The following HDGFL3 variants were observed in gnomAD, a reference collection of about 807,000 sequenced individuals.
HDGFL3 encodes hepatoma-derived growth factor-related protein 3.
A neutral mutation model predicts 27.6 loss-of-function variants in HDGFL3; 6 were observed. The observed-to-expected ratio is 0.22, with a 90% CI of 0.12 to 0.43. The LOEUF (loss-of-function observed/expected upper bound fraction) is 0.43. Among genes scored for constraint, HDGFL3 ranks in the 20% least tolerant of loss-of-function variants. The probability of loss-of-function intolerance (pLI) is 1.00; values close to 1 mark genes in which losing one functional copy is unlikely to be tolerated. For synonymous variants in HDGFL3, 88 were observed against 88.9 expected, an observed-to-expected ratio of 0.99 and a Z score of 0.05; for missense variants, 207 against 250.1, an observed-to-expected ratio of 0.83 and a Z score of 1.16.
intron 5 of HDGFL3, among the ~76,000 whole-genome samples, chr15:83,141,661 G>T (rs2036774708): frequency 6.6e-6 from 1 of 152,068 alleles, no homozygotes. Flanking sequence ...ACAGCTCACT[G>T]CAGCCTTGAA....
At chr15:83,172,585 C>G (rs1321865298) in intron 1 of HDGFL3, among the ~76,000 whole-genome samples, 1 of 152,062 alleles carries the variant, frequency 6.6e-6, no homozygotes, top group Non-Finnish European at 1.5e-5. Flanking sequence ...CGCCTGTAAT[C>G]CCAACACTTT....
chr15:83,160,603 A>G (rs2037089397), intron 2 of HDGFL3, among the ~76,000 whole-genome samples: 1 of 152,188 alleles, frequency 6.6e-6, no homozygotes, highest in African/African-American at 2.4e-5. Context: ...TACATTTAAA[A>G]TCCAGTTTAG....
chr15:83,204,285 C>T (rs2037688758), intron 1 of HDGFL3, among the ~76,000 whole-genome samples: 1 of 151,776 alleles, frequency 6.6e-6, no homozygotes, highest in South Asian at 2.1e-4. Context: ...GTCAAACTCA[C>T]CGAATGGTAC....
At chr15:83,184,096 T>C (rs983680107) in intron 1 of HDGFL3, among the ~76,000 whole-genome samples, 1 of 152,262 alleles carries the variant, frequency 6.6e-6, no homozygotes, top group Non-Finnish European at 1.5e-5. Flanking sequence ...TTCATAACAG[T>C]TGTGCCAATT....
chr15:83,143,309 G>C (rs1035437229), intron 5 of HDGFL3, among the ~76,000 whole-genome samples: 1 of 152,162 alleles, frequency 6.6e-6, no homozygotes, highest in Non-Finnish European at 1.5e-5. Flanking sequence ...AGGGGGCCAG[G>C]TGCAGTGACT....
chr15:83,161,087 G>A (rs372563081), intron 2 of HDGFL3, among the ~76,000 whole-genome samples: 34 of 152,276 alleles, frequency 2.2e-4, no homozygotes, highest in African/African-American at 7.0e-4. Flanking sequence ...AGAATTTGTC[G>A]TGAATTATTA....
At chr15:83,125,269 G>A (rs1400314688), downstream of HDGFL3, among the ~76,000 whole-genome samples, 2 of 152,120 alleles carry the variant, frequency 1.3e-5, no homozygotes, top group African/African-American at 4.8e-5. Flanking sequence ...TTCATCTCAC[G>A]CCTGGAGTCT....
At chr15:83,181,098 A>T (rs2037375283) in intron 1 of HDGFL3, 1 of 152,224 alleles carries the variant, frequency 6.6e-6, no homozygotes, top group Non-Finnish European at 1.5e-5. Flanking sequence ...TCTTATAGCT[A>T]CAGACATTTT....
At chr15:83,198,120 A>G (rs2037595906) in intron 1 of HDGFL3, among the ~76,000 whole-genome samples, 1 of 151,226 alleles carries the variant, frequency 6.6e-6, no homozygotes, top group Non-Finnish European at 1.5e-5. Context: ...TTTGCAGTTG[A>G]AAGATTAAAA....
rs2036979684 is a variant in HDGFL3, at chr15:83,152,792, A to G, written c.460-1431T>C. Among the ~76,000 whole-genome samples, 3 of 152,090 alleles carry G rather than the reference A, an allele frequency of 2.0e-5. No homozygotes were observed. In the South Asian group the frequency reaches 6.2e-4, roughly 31 times the overall value. On this transcript the variant is annotated intron_variant, in intron 4 of 5. Coordinates refer to ENST00000299633, the MANE Select transcript of HDGFL3 (RefSeq NM_016073.4). ...AACTGAAACTACCAGCCAAGCCCAA[A>G]ATGTCAGTTTAAAATGTGATTTTTA... is the stretch of plus-strand genomic sequence containing the variant.
chr15:83,181,592 C>A (rs2037382047), intron 1 of HDGFL3, among the ~76,000 whole-genome samples: 2 of 152,188 alleles, frequency 1.3e-5, no homozygotes, highest in Admixed American at 1.3e-4. Flanking sequence ...TCTCCTGCCT[C>A]AGCCTTCCGA....
chr15:83,158,587 G>C (rs1268130254), intron 2 of HDGFL3, among the ~76,000 whole-genome samples: 1 of 152,134 alleles, frequency 6.6e-6, no homozygotes, highest in African/African-American at 2.4e-5. Context: ...ACACCCCTCT[G>C]AACAGGTGAT....
downstream of HDGFL3, chr15:83,124,903 C>A: frequency 1.2e-6 from 1 of 812,510 alleles, no homozygotes; most frequent in Non-Finnish European, 1.9e-6. Flanking sequence ...CCATTCCTCC[C>A]ATCAAAGCCT....
rs2151404540 is a variant in HDGFL3 at position 83,161,962 on chromosome 15, G to A, written c.161+2037C>T. On this transcript the variant is annotated intron_variant, in intron 2 of 5. Coordinates refer to ENST00000299633, the MANE Select transcript of HDGFL3 (RefSeq NM_016073.4). ...TATGTTAGAAGCAGAAGAACTTGAG[G>A]CTCCAGTCACCTACATCAGAATTAG... 2.0e-5 allele frequency among the ~76,000 whole-genome samples: 3 copies of A among 152,164 alleles called. No individual in the cohort carries two copies. In the South Asian group the frequency reaches 6.2e-4, roughly 32 times the overall value.
rs1228684035 is a variant in HDGFL3, at chr15:83,136,653, C to A, written c.*2617G>T. 1.3e-6 allele frequency: 2 copies of A among 1,593,356 alleles called. No homozygotes were observed. The highest frequency in any genetic ancestry group is 1.7e-6 in the Non-Finnish European group (2 of 1,174,770). On this transcript the variant is annotated 3_prime_UTR_variant, in exon 6 of 6. Coordinates refer to ENST00000299633, the MANE Select transcript of HDGFL3 (RefSeq NM_016073.4). The stretch of plus-strand genomic sequence containing the variant: ...CCAGAGTTCTTCATAAAAACAAAGG[C>A]AGAAGAAAAAGTGGAATAAAAATAT...
intron 5 of HDGFL3, among the ~76,000 whole-genome samples, chr15:83,145,303 C>A (rs1350290042): frequency 1.3e-5 from 2 of 152,142 alleles, no homozygotes; most frequent in African/African-American, 4.8e-5. Context: ...CAACCCCATT[C>A]TTTAATCTCT....
At chr15:83,168,242 G>T (rs1268045723) in intron 1 of HDGFL3, among the ~76,000 whole-genome samples, 1 of 151,916 alleles carries the variant, frequency 6.6e-6, no homozygotes, top group Non-Finnish European at 1.5e-5. Context: ...CATCTTCCCC[G>T]GAGGAACTAG....
At chr15:83,202,253 G>C (rs919203574) in intron 1 of HDGFL3, among the ~76,000 whole-genome samples, 1 of 152,132 alleles carries the variant, frequency 6.6e-6, no homozygotes, top group African/African-American at 2.4e-5. Context: ...CATACAGTAG[G>C]TGCTCAACAA....
chr15:83,136,583 T>C lies in HDGFL3; in HGVS notation c.*2687A>G, dbSNP rs2036629011. On this transcript the variant is annotated 3_prime_UTR_variant, in exon 6 of 6. Transcript: ENST00000299633. ...CCTTTTTTTAGCATTAAACATAGCA[T>C]ATGGAGTTCTTCCTCAGCTCTTGGC... 6.2e-7 allele frequency: 1 copy of C among 1,613,858 alleles called. No individual in the cohort carries two copies. The highest frequency in any genetic ancestry group is 8.5e-7 in the Non-Finnish European group (1 of 1,179,868).
Sources: gnomAD v4.1 joint callset for allele counts (sites outside exome capture counted in the v4.1 genomes callset) on GRCh38, gnomAD v4.1.1 for gene constraint, MANE v1.5 for transcripts, NCBI Gene and HGNC (gene_info 2026-07-23, HGNC 2026-07-21) for gene names.